Variants in WDR49 observed in about 807,000 individuals in gnomAD.
The protein encoded by WDR49 is cilia- and flagella-associated protein 337.
In WDR49, 107 loss-of-function variants were observed where a neutral mutation model predicts 119.5. The observed-to-expected ratio is 0.90, with a 90% CI of 0.77 to 1.05. WDR49 has a LOEUF of 1.05. Ranked by LOEUF, WDR49 falls within the 50% of genes least tolerant of loss-of-function variation. The pLI, the probability that WDR49 is intolerant of heterozygous loss-of-function variation, is 0.00. For missense variants in WDR49, 1,240 were observed against 1,220.5 expected (o/e 1.02, Z -0.24); for synonymous variants, 425 against 418.8 (o/e 1.01, Z -0.18).
At chr3:167,522,216 T>C (rs1356590167) in intron 16 of WDR49, 99 bp downstream of exon 16, 1 of 1,234,360 alleles carries the variant, frequency 8.1e-7, no homozygotes, top group Non-Finnish European at 1.1e-6. Flanking sequence ...GAGGTAGTCA[T>C]TGAACATTCC....
At chr3:167,586,009 G>A (rs1169616422) in intron 7 of WDR49, among the ~76,000 whole-genome samples, 4 of 152,088 alleles carry the variant, frequency 2.6e-5, no homozygotes. Flanking sequence ...TCGGGATGGG[G>A]AACAGTGTGG....
upstream of WDR49, among the ~76,000 whole-genome samples, chr3:167,655,626 C>T (rs542093496): frequency 3.3e-5 from 5 of 152,234 alleles, no homozygotes; most frequent in South Asian, 4.1e-4. Context: ...AGGCAGGGCA[C>T]GGTGGCTCAT....
Position 167,518,648 on chromosome 3 carries a change from G to T in WDR49, c.2774+3667C>A, listed in dbSNP as rs1241881887. Among the ~76,000 whole-genome samples, 23 of 151,574 alleles carry T rather than the reference G, an allele frequency of 1.5e-4. No individual in the cohort carries two copies. The East Asian group carries it at 3.6e-3, about 24-fold the overall frequency. ...TCTGGATATTAGCCCTTTGTCAGAT[G>T]AGTAGGTTGCAAAAATTTTCTCCCA... On this transcript the variant is annotated intron_variant, in intron 16 of 18. Transcript: ENST00000682715.
At chr3:167,603,174 G>T (rs990902128) in intron 6 of WDR49, among the ~76,000 whole-genome samples, 2 of 152,116 alleles carry the variant, frequency 1.3e-5, no homozygotes, top group Admixed American at 1.3e-4. Flanking sequence ...TCCAGAGCAG[G>T]AAATGTTGTA....
In WDR49 at chr3:167,503,757, T is replaced by C. The variant is rs566667270; in HGVS notation, c.2884+1550A>G. Among the ~76,000 whole-genome samples the C allele has an allele frequency of 9.2e-4, 140 of 152,182 alleles. 1 individual carries two copies. Among genetic ancestry groups the C allele is most frequent in the African/African-American group, 3.0e-3 (123 of 41,528 alleles). On this transcript the variant is annotated intron_variant, in intron 17 of 18. Transcript: ENST00000682715. ...GCGACTGAAAGCTCAGCCCGAGCCA[T>C]AACAAACATGGACCAGAAGAGTGCA...
At chr3:167,657,708 C>A (rs1268474059), upstream of WDR49, among the ~76,000 whole-genome samples, 4 of 152,328 alleles carry the variant, frequency 2.6e-5, no homozygotes, top group Non-Finnish European at 5.9e-5. Flanking sequence ...ACCTTAGGAA[C>A]CTCATTTCCG....
chr3:167,517,970 T>G (rs1752285225), intron 16 of WDR49, among the ~76,000 whole-genome samples: 1 of 151,542 alleles, frequency 6.6e-6, no homozygotes, highest in African/African-American at 2.4e-5. Context: ...CACCTATGAG[T>G]GAGAACATGC....
chr3:167,517,738 T>C (rs911034280), intron 16 of WDR49, among the ~76,000 whole-genome samples: 4 of 134,104 alleles, frequency 3.0e-5, no homozygotes, highest in African/African-American at 8.0e-5. Context: ...CTTTTCTTTT[T>C]TTATTATTAT....
chr3:167,580,779 T>C (rs1349876722), intron 7 of WDR49, among the ~76,000 whole-genome samples: 1 of 152,182 alleles, frequency 6.6e-6, no homozygotes, highest in Non-Finnish European at 1.5e-5. Context: ...TCTCACCTTC[T>C]TTTATATTCA....
intron 12 of WDR49, 48 bp downstream of exon 12, chr3:167,532,831 A>G: frequency 7.2e-7 from 1 of 1,385,576 alleles, no homozygotes; most frequent in Non-Finnish European, 1.0e-6. Flanking sequence ...AACCAGGCCT[A>G]CTGTGATTTG....
chr3:167,575,220 T>C, intron 8 of WDR49: 1 of 985,694 alleles, frequency 1.0e-6, no homozygotes, highest in Non-Finnish European at 1.2e-6. Context: ...CCCTTCATGA[T>C]ACCCACAGGC....
chr3:167,500,440 T>G, intron 17 of WDR49, 141 bp from the exon 18 acceptor site: 1 of 961,374 alleles, frequency 1.0e-6, no homozygotes, highest in Admixed American at 3.2e-5. Context: ...GCTGCAGTGA[T>G]CTGCAAACCC....
chr3:167,606,234 A>AATAGT (rs1716058461), intron 5 of WDR49, among the ~76,000 whole-genome samples: 1 of 152,148 alleles, frequency 6.6e-6, no homozygotes, highest in Non-Finnish European at 1.5e-5. Context: ...CCCTTTGGGA[A>AATAGT]TCTGATGAGA....
chr3:167,541,336 G>T (rs751951471), intron 10 of WDR49, among the ~76,000 whole-genome samples: 10 of 152,168 alleles, frequency 6.6e-5, no homozygotes, highest in Non-Finnish European at 1.5e-4. Context: ...AAACCTCTCA[G>T]ATTAACAGTA....
At chr3:167,517,488 T>C (rs1281671568) in intron 16 of WDR49, among the ~76,000 whole-genome samples, 2 of 152,012 alleles carry the variant, frequency 1.3e-5, no homozygotes. Context: ...TTGAAACCGG[T>C]CTCCTTCCTT....
intron 10 of WDR49, among the ~76,000 whole-genome samples, chr3:167,542,256 TC>T (rs1187520069): frequency 6.6e-6 from 1 of 151,878 alleles, no homozygotes; most frequent in Non-Finnish European, 1.5e-5. Flanking sequence ...AAAGAAACAA[TC>T]GAATTAAACT....
Position 167,590,266 on chromosome 3 carries a change from T to C in WDR49, c.1275+11861A>G, listed in dbSNP as rs193236779. Among the ~76,000 whole-genome samples the C allele has an allele frequency of 1.8e-4, 27 of 152,276 alleles. No homozygotes were observed. In the East Asian group the frequency reaches 5.0e-3, roughly 28 times the overall value. ...TGGGATAAATCCCACTTGGTCATAATGAATGATTTTTTAAATGTGTTGTTG... is the reference window on the plus strand; with the variant it reads ...TGGGATAAATCCCACTTGGTCATAACGAATGATTTTTTAAATGTGTTGTTG... On this transcript the variant is annotated intron_variant, in intron 7 of 18. Coordinates refer to ENST00000682715, the MANE Select transcript of WDR49 (RefSeq NM_001366157.1).
chr3:167,567,725 G>A (rs1328842245), intron 8 of WDR49, among the ~76,000 whole-genome samples: 1 of 152,138 alleles, frequency 6.6e-6, no homozygotes, highest in African/African-American at 2.4e-5. Flanking sequence ...CGTGTTTGGG[G>A]GCAAGTAGAT....
chr3:167,480,059 C>T (rs367856837), intron 18 of WDR49, among the ~76,000 whole-genome samples: 154 of 151,500 alleles, frequency 1.0e-3, no homozygotes, highest in African/African-American at 3.6e-3. Context: ...AGTGAAACCC[C>T]GTCTCTACCA....
Sources: allele counts gnomAD v4.1 joint callset (sites outside exome capture counted in the v4.1 genomes callset), GRCh38; gene constraint gnomAD v4.1.1; transcripts MANE v1.5; gene names NCBI Gene and HGNC (gene_info 2026-07-23, HGNC 2026-07-21).